CADM2: variants seen among roughly 807,000 people sequenced by gnomAD.
The protein encoded by CADM2 is immunoglobulin superfamily member 4D.
In CADM2, 12 loss-of-function variants were observed where a neutral mutation model predicts 49.8. The ratio of observed to expected loss-of-function variants is 0.24; its 90% CI spans 0.15 to 0.39. CADM2 has a LOEUF of 0.39. Ranked by LOEUF, CADM2 falls within the 10% of genes least tolerant of loss-of-function variation. CADM2 has a pLI of 1.00. For missense variants in CADM2, 378 were observed against 492.3 expected, an observed-to-expected ratio of 0.77 and a Z score of 2.20; for synonymous variants, 214 against 175.4, an observed-to-expected ratio of 1.22 and a Z score of -1.74.
intron 3 of CADM2, among the ~76,000 whole-genome samples, chr3:85,861,576 CA>C (rs1410735422): frequency 5.9e-5 from 9 of 152,112 alleles, no homozygotes; most frequent in Non-Finnish European, 1.3e-4. Flanking sequence ...CCCTGGAGGT[CA>C]GGGGGTAGGT....
chr3:85,101,036 A>G (rs2037991711), intron 1 of CADM2, among the ~76,000 whole-genome samples: 1 of 152,154 alleles, frequency 6.6e-6, no homozygotes, highest in Non-Finnish European at 1.5e-5. Flanking sequence ...CAGGCGGATC[A>G]CAAGGTTAGG....
chr3:85,560,675 T>A (rs1379302998), intron 1 of CADM2, among the ~76,000 whole-genome samples: 1 of 152,196 alleles, frequency 6.6e-6, no homozygotes, highest in Non-Finnish European at 1.5e-5. Flanking sequence ...TTTATTTTAC[T>A]CCCTCCTGTT....
At chr3:85,826,466 G>T (rs1205734811) in intron 3 of CADM2, among the ~76,000 whole-genome samples, 1 of 151,974 alleles carries the variant, frequency 6.6e-6, no homozygotes, top group Admixed American at 6.6e-5. Flanking sequence ...TTCTTAAAAT[G>T]AATTTTTATC....
intron 7 of CADM2, among the ~76,000 whole-genome samples, chr3:85,947,089 C>T (rs1372049650): frequency 6.6e-6 from 1 of 151,888 alleles, no homozygotes; most frequent in Non-Finnish European, 1.5e-5. Context: ...TGAACTCAAA[C>T]AAATTTACAA....
At position 85,976,270 on chromosome 3, in the gene CADM2, A is replaced by G. The variant is rs575494433; in HGVS notation, c.970+14623A>G. On this transcript the variant is annotated intron_variant, in intron 8 of 9. Transcript: ENST00000383699. ...CAGTGTAAGAGGTTTAAAAATGTAC[A>G]GGATTCCAGGCAGAGCTCTTCTCTT... Among the ~76,000 whole-genome samples, 8 of 151,734 alleles carry G rather than the reference A, an allele frequency of 5.3e-5. No individual in the cohort carries two copies. The South Asian group carries it at 1.7e-3, about 31-fold the overall frequency.
chr3:85,247,938 G>T (rs1343563845), intron 1 of CADM2, among the ~76,000 whole-genome samples: 1 of 151,870 alleles, frequency 6.6e-6, no homozygotes, highest in Non-Finnish European at 1.5e-5. Flanking sequence ...ATTTATCATT[G>T]GTTTTATTCA....
intron 8 of CADM2, chr3:86,014,324 T>A (rs1731935685): frequency 1.5e-6 from 2 of 1,378,586 alleles, no homozygotes; most frequent in Admixed American, 4.9e-5. Flanking sequence ...CAAGAGCCTT[T>A]GGGGAAAATC....
chr3:85,965,690 C>T (rs1004206866), intron 8 of CADM2, among the ~76,000 whole-genome samples: 1 of 151,564 alleles, frequency 6.6e-6, no homozygotes, highest in African/African-American at 2.4e-5. Flanking sequence ...TTCTCTAATG[C>T]AACATTAAGT....
intron 1 of CADM2, among the ~76,000 whole-genome samples, chr3:85,385,278 A>G (rs558276478): frequency 8.5e-5 from 13 of 152,240 alleles, no homozygotes; most frequent in African/African-American, 3.1e-4. Context: ...GCAACCCTTA[A>G]CCAGTTAAGA....
intron 1 of CADM2, among the ~76,000 whole-genome samples, chr3:85,521,708 C>T (rs1321052050): frequency 1.3e-5 from 2 of 152,136 alleles, no homozygotes; most frequent in African/African-American, 4.8e-5. Context: ...AGCTAATTTA[C>T]ATATTCCGTG....
intron 8 of CADM2, among the ~76,000 whole-genome samples, chr3:86,029,838 C>T (rs1734346199): frequency 6.6e-6 from 1 of 151,890 alleles, no homozygotes; most frequent in South Asian, 2.1e-4. Context: ...TATGAGTCAT[C>T]AAAATTGTTA....
At chr3:85,006,468 A>G (rs750883089) in intron 1 of CADM2, among the ~76,000 whole-genome samples, 70 of 152,320 alleles carry the variant, frequency 4.6e-4, no homozygotes, top group Non-Finnish European at 7.8e-4. Flanking sequence ...TTGAATCACA[A>G]TTAAACATAT....
At chr3:85,046,480 A>G (rs1301094545) in intron 1 of CADM2, among the ~76,000 whole-genome samples, 1 of 151,986 alleles carries the variant, frequency 6.6e-6, no homozygotes, top group East Asian at 1.9e-4. Flanking sequence ...AAAACACAGT[A>G]TATCAGTTGC....
chr3:85,348,642 T>C (rs1291123279), intron 1 of CADM2, among the ~76,000 whole-genome samples: 5 of 152,274 alleles, frequency 3.3e-5, no homozygotes, highest in Admixed American at 6.5e-5. Flanking sequence ...GGATTGCTGG[T>C]CAAGCATATC....
chr3:85,332,847 T>C (rs183472951), intron 1 of CADM2, among the ~76,000 whole-genome samples: 8 of 151,684 alleles, frequency 5.3e-5, no homozygotes, highest in African/African-American at 1.9e-4. Context: ...GGCTTTTTTT[T>C]ATTCCCATTG....
intron 1 of CADM2, among the ~76,000 whole-genome samples, chr3:85,050,077 T>C (rs1273663196): frequency 6.6e-6 from 1 of 152,008 alleles, no homozygotes; most frequent in Non-Finnish European, 1.5e-5. Flanking sequence ...CTGAGGCAGA[T>C]GTTGTGGAAA....
intron 1 of CADM2, among the ~76,000 whole-genome samples, chr3:85,691,497 T>C (rs2066385988): frequency 6.6e-6 from 1 of 152,232 alleles, no homozygotes; most frequent in South Asian, 2.1e-4. Context: ...CATTAAAATA[T>C]ACTGCCTCTC....
chr3:86,025,148 T>C (rs1005390844), intron 8 of CADM2, among the ~76,000 whole-genome samples: 8 of 151,876 alleles, frequency 5.3e-5, no homozygotes, highest in Non-Finnish European at 1.2e-4. Context: ...CTCTGTCTCC[T>C]GAGTTCAAGT....
At chr3:85,291,497 G>A (rs373635520) in intron 1 of CADM2, among the ~76,000 whole-genome samples, 1,448 of 139,772 alleles carry the variant, frequency 0.01, 50 homozygotes, top group African/African-American at 0.044. Flanking sequence ...CAGATTCACC[G>A]AAGTTGAAAT....
Sources: allele counts gnomAD v4.1 joint callset (sites outside exome capture counted in the v4.1 genomes callset), GRCh38; gene constraint gnomAD v4.1.1; transcripts MANE v1.5; gene names NCBI Gene and HGNC (gene_info 2026-07-23, HGNC 2026-07-21).